Variants in ELAVL2 observed in about 807,000 individuals in gnomAD.
The protein encoded by ELAVL2 is ELAV like RNA binding protein 2.
A neutral mutation model predicts 34.6 loss-of-function variants in ELAVL2; 4 were observed. That is an observed-to-expected ratio of 0.12 (90% CI 0.06 to 0.26). The LOEUF (loss-of-function observed/expected upper bound fraction) is 0.26. Ranked by LOEUF, ELAVL2 falls within the 10% of genes least tolerant of loss-of-function variation. The pLI, the probability that ELAVL2 is intolerant of heterozygous loss-of-function variation, is 1.00. For synonymous variants in ELAVL2, 193 were observed against 154.8 expected, an observed-to-expected ratio of 1.25 and a Z score of -1.83; for missense variants, 432 against 442.8, an observed-to-expected ratio of 0.98 and a Z score of 0.22.
intron 3 of ELAVL2, among the ~76,000 whole-genome samples, chr9:23,706,016 A>G (rs1355414318): frequency 1.3e-5 from 2 of 152,226 alleles, no homozygotes; most frequent in East Asian, 3.9e-4. Context: ...CTTTTGATAT[A>G]TGCTGTATGA....
intron 1 of ELAVL2, among the ~76,000 whole-genome samples, chr9:23,803,064 T>C (rs1405309304): frequency 1.3e-5 from 2 of 152,160 alleles, no homozygotes; most frequent in Admixed American, 6.5e-5. Flanking sequence ...TACATAAGCA[T>C]GCCTTTATGG....
At chr9:23,776,443 C>G (rs1363118365) in intron 1 of ELAVL2, among the ~76,000 whole-genome samples, 2 of 152,108 alleles carry the variant, frequency 1.3e-5, no homozygotes, top group Admixed American at 6.5e-5. Flanking sequence ...TATACTCTCT[C>G]CCCAACACAG....
At chr9:23,721,556 C>T (rs2043726639) in intron 3 of ELAVL2, among the ~76,000 whole-genome samples, 1 of 152,200 alleles carries the variant, frequency 6.6e-6, no homozygotes, top group Non-Finnish European at 1.5e-5. Flanking sequence ...CAAAAGAGTT[C>T]TTCACAGAAG....
At chr9:23,700,216 A>G (rs2036710494) in intron 5 of ELAVL2, among the ~76,000 whole-genome samples, 1 of 152,220 alleles carries the variant, frequency 6.6e-6, no homozygotes, top group Non-Finnish European at 1.5e-5. Context: ...GCACTTGGAA[A>G]TAATTTTTAA....
chr9:23,806,002 A>C (rs926300106), intron 1 of ELAVL2, among the ~76,000 whole-genome samples: 2 of 152,084 alleles, frequency 1.3e-5, no homozygotes, highest in Admixed American at 1.3e-4. Context: ...CTCACCAACT[A>C]GACTGCAAAC....
At chr9:23,693,740 C>T (rs2034079054) in intron 5 of ELAVL2, among the ~76,000 whole-genome samples, 1 of 152,198 alleles carries the variant, frequency 6.6e-6, no homozygotes, top group Admixed American at 6.5e-5. Flanking sequence ...GGATACCTTT[C>T]AGAGAGGAAG....
At chr9:23,755,505 A>G (rs1361096858) in intron 2 of ELAVL2, among the ~76,000 whole-genome samples, 1 of 152,210 alleles carries the variant, frequency 6.6e-6, no homozygotes, top group Non-Finnish European at 1.5e-5. Flanking sequence ...TGAAAAAATA[A>G]TTAAGTTTAA....
At position 23,731,093 on chromosome 9, in the gene ELAVL2, T is replaced by C. The variant is rs1465843553; in HGVS notation, c.262A>G (p.Ile88Val). The stretch of plus-strand genomic sequence containing the variant: ...GCTTTCTCTGCATCCTTGGGGTCAA[T>C]GTAGTTCACAAAGCCATATCCCAAG... ...QSLGYGFVNY[I>V]DPKDAEKAIN... is the part of the protein sequence containing the mutation. The change falls in exon 3 of 7, where the codon ATT becomes GTT. Residue 88 changes from isoleucine (I) to valine (V), a missense_variant. Coordinates refer to ENST00000397312, the MANE Select transcript of ELAVL2 (RefSeq NM_004432.5). The C allele has an allele frequency of 2.5e-6, 4 of 1,613,070 alleles. No homozygotes were observed. Among genetic ancestry groups the C allele is most frequent in the Non-Finnish European group, 2.5e-6 (3 of 1,179,406 alleles).
chr9:23,769,886 A>G (rs750667903), intron 1 of ELAVL2, among the ~76,000 whole-genome samples: 1 of 152,216 alleles, frequency 6.6e-6, no homozygotes, highest in Non-Finnish European at 1.5e-5. Context: ...CAGAGCTGGC[A>G]GGTTCAAAAG....
At chr9:23,765,345 G>C (rs1447572913) in intron 1 of ELAVL2, among the ~76,000 whole-genome samples, 1 of 151,992 alleles carries the variant, frequency 6.6e-6, no homozygotes, top group Non-Finnish European at 1.5e-5. Flanking sequence ...AGTTATCTTG[G>C]CATCTATTCT....
At chr9:23,837,092 A>T in the ELAVL2 span, among the ~76,000 whole-genome samples, 1 of 152,192 alleles carries the variant, frequency 6.6e-6, no homozygotes, top group Non-Finnish European at 1.5e-5. Flanking sequence ...GACAATAATG[A>T]AAGTGTTTTG....
chr9:23,732,646 G>T (rs2046861929), intron 2 of ELAVL2, among the ~76,000 whole-genome samples: 1 of 152,124 alleles, frequency 6.6e-6, no homozygotes, highest in Non-Finnish European at 1.5e-5. Context: ...TCATTGAGTA[G>T]AATTAAATTG....
In ELAVL2 at chr9:23,690,965, TTA is replaced by T. The variant is rs2032977678; in HGVS notation, c.*1590_*1591del. On this transcript the variant is annotated 3_prime_UTR_variant, in exon 7 of 7. Coordinates refer to ENST00000397312, the MANE Select transcript of ELAVL2 (RefSeq NM_004432.5). ...TTAAATTTCAATAGCATACAGATAT[TTA>T]TGATTTTTGTATGAAAAATGTAAGG... 1.3e-5 allele frequency: 2 copies of T among 152,600 alleles called. No homozygotes were observed. The highest frequency in any genetic ancestry group is 6.6e-5 in the Admixed American group (1 of 15,266). 9.5% of individuals were successfully genotyped at this position (152,600 alleles called of 1,614,324 possible).
chr9:23,801,273 A>T (rs192358730), intron 1 of ELAVL2, among the ~76,000 whole-genome samples: 42 of 152,348 alleles, frequency 2.8e-4, no homozygotes, highest in Admixed American at 1.6e-3. Context: ...TTAAAACTTA[A>T]CTGCTGCTTT....
At chr9:23,713,818 T>C (rs1273121379) in intron 3 of ELAVL2, among the ~76,000 whole-genome samples, 2 of 152,090 alleles carry the variant, frequency 1.3e-5, no homozygotes, top group African/African-American at 4.8e-5. Flanking sequence ...AACTAGAGGT[T>C]AGGATGGAAT....
intron 1 of ELAVL2, among the ~76,000 whole-genome samples, chr9:23,801,298 CAA>C (rs747840612): frequency 2.1e-4 from 32 of 152,046 alleles, no homozygotes; most frequent in Non-Finnish European, 3.4e-4. Flanking sequence ...CTTTTAAACT[CAA>C]AGAAATTTTC....
Position 23,731,093 on chromosome 9 carries a change from T to G in ELAVL2, c.262A>C (p.Ile88Leu). 1 of 1,613,188 alleles carries G rather than the reference T, an allele frequency of 6.2e-7. No individual in the cohort carries two copies. The highest frequency in any genetic ancestry group is 8.5e-7 in the Non-Finnish European group (1 of 1,179,398). ...QSLGYGFVNY[I>L]DPKDAEKAIN... The stretch of plus-strand genomic sequence containing the variant: ...GCTTTCTCTGCATCCTTGGGGTCAA[T>G]GTAGTTCACAAAGCCATATCCCAAG... Residue 88 changes from isoleucine (I) to leucine (L), a missense_variant, in exon 3 of 7, where the codon ATT (isoleucine) becomes CTT (leucine). Ile to Leu is a conservative substitution (Grantham distance 5, BLOSUM62 2). Transcript: ENST00000397312.
At chr9:23,776,705 T>C (rs1284893545) in intron 1 of ELAVL2, among the ~76,000 whole-genome samples, 1 of 146,792 alleles carries the variant, frequency 6.8e-6, no homozygotes, top group Non-Finnish European at 1.5e-5. Flanking sequence ...AAATAATCCC[T>C]TCTCTACCTG....
intron 1 of ELAVL2, among the ~76,000 whole-genome samples, chr9:23,774,094 C>A (rs1377789661): frequency 2.6e-5 from 4 of 151,294 alleles, no homozygotes; most frequent in Non-Finnish European, 5.9e-5. Flanking sequence ...GCCTGTAGTC[C>A]CAGCTACACG....
Sources: allele counts gnomAD v4.1 joint callset (sites outside exome capture counted in the v4.1 genomes callset), GRCh38; gene constraint gnomAD v4.1.1; transcripts MANE v1.5; gene names NCBI Gene and HGNC (gene_info 2026-07-23, HGNC 2026-07-21).